Variants in NCKAP5 observed in about 807,000 individuals in gnomAD.
NCKAP5 encodes the protein nck-associated protein 5.
Under a neutral mutation model 167.0 loss-of-function variants are expected in NCKAP5, and 92 were observed. The observed-to-expected ratio is 0.55, with a 90% CI of 0.47 to 0.66. The LOEUF (loss-of-function observed/expected upper bound fraction) is 0.66, where lower values mean the gene tolerates loss of function less well. NCKAP5 is among the 30% of genes least tolerant of loss of function. NCKAP5 has a pLI of 0.00. For synonymous variants in NCKAP5, 891 were observed against 877.4 expected (o/e 1.02, Z -0.27); for missense variants, 2,378 against 2,315.0 (o/e 1.03, Z -0.56).
chr2:133,496,220 A>C (rs1179306001), intron 3 of NCKAP5, among the ~76,000 whole-genome samples: 2 of 152,208 alleles, frequency 1.3e-5, no homozygotes, highest in Non-Finnish European at 2.9e-5. Context: ...CTCACCTAAG[A>C]AACTGTTAAC....
chr2:133,621,494 C>A, the NCKAP5 span, among the ~76,000 whole-genome samples: 1 of 151,980 alleles, frequency 6.6e-6, no homozygotes, highest in Admixed American at 6.6e-5. Flanking sequence ...ACTATGAGCA[C>A]CTTTATTTCC....
intron 19 of NCKAP5, among the ~76,000 whole-genome samples, chr2:132,724,590 C>A (rs1690262507): frequency 6.6e-6 from 1 of 152,102 alleles, no homozygotes; most frequent in South Asian, 2.1e-4. Flanking sequence ...AACTCCCCTT[C>A]CCCTTCATCT....
At chr2:133,557,205 T>G (rs1575155181) in intron 2 of NCKAP5, among the ~76,000 whole-genome samples, 1 of 152,294 alleles carries the variant, frequency 6.6e-6, no homozygotes, top group Non-Finnish European at 1.5e-5. Context: ...ATTCACATCA[T>G]GAATGCGGTT....
intron 12 of NCKAP5, among the ~76,000 whole-genome samples, chr2:132,792,736 C>T (rs1466567744): frequency 3.3e-5 from 5 of 152,176 alleles, no homozygotes; most frequent in African/African-American, 1.2e-4. Flanking sequence ...TACCTTCTCC[C>T]AAGGTATTGA....
At chr2:132,969,891 C>A (rs1312917148) in intron 7 of NCKAP5, among the ~76,000 whole-genome samples, 4 of 152,210 alleles carry the variant, frequency 2.6e-5, no homozygotes, top group Non-Finnish European at 1.5e-5. Context: ...GTGGGGTTCT[C>A]TCTTGTTTCT....
intron 4 of NCKAP5, among the ~76,000 whole-genome samples, chr2:133,271,472 A>G (rs558353724): frequency 6.6e-6 from 1 of 152,270 alleles, no homozygotes; most frequent in South Asian, 2.1e-4. Context: ...GCAAAAAAAC[A>G]TGTTTAATCT....
chr2:132,913,377 T>C (rs1694605161), intron 8 of NCKAP5, among the ~76,000 whole-genome samples: 1 of 152,128 alleles, frequency 6.6e-6, no homozygotes, highest in Admixed American at 6.5e-5. Flanking sequence ...TACTATTTAT[T>C]AGCTGTGTGA....
At chr2:132,770,212 A>G (rs1223220403) in intron 16 of NCKAP5, among the ~76,000 whole-genome samples, 2 of 152,044 alleles carry the variant, frequency 1.3e-5, no homozygotes, top group Non-Finnish European at 2.9e-5. Context: ...TCTTGTTACA[A>G]TACAAATATG....
intron 6 of NCKAP5, among the ~76,000 whole-genome samples, chr2:133,009,529 T>C (rs982444579): frequency 6.6e-6 from 1 of 152,204 alleles, no homozygotes; most frequent in African/African-American, 2.4e-5. Context: ...TAACACCTTA[T>C]GTAATATGAA....
chr2:133,045,705 A>G (rs1045142502), intron 6 of NCKAP5, among the ~76,000 whole-genome samples: 1 of 152,224 alleles, frequency 6.6e-6, no homozygotes, highest in African/African-American at 2.4e-5. Flanking sequence ...AGAGATTAAC[A>G]ATAATTAATA....
At chr2:133,383,401 T>C (rs1003867175) in intron 3 of NCKAP5, among the ~76,000 whole-genome samples, 12 of 152,224 alleles carry the variant, frequency 7.9e-5, no homozygotes, top group Non-Finnish European at 1.6e-4. Context: ...GAACTCATCC[T>C]TTTTATGACT....
At chr2:132,866,642 G>T (rs937017021) in intron 10 of NCKAP5, among the ~76,000 whole-genome samples, 2 of 152,130 alleles carry the variant, frequency 1.3e-5, no homozygotes, top group South Asian at 4.1e-4. Flanking sequence ...CATGAAAAAT[G>T]TATTTCTGGC....
At chr2:133,328,786 G>A (rs1310320237) in intron 3 of NCKAP5, among the ~76,000 whole-genome samples, 1 of 152,176 alleles carries the variant, frequency 6.6e-6, no homozygotes, top group Non-Finnish European at 1.5e-5. Context: ...AGTGCCTCAT[G>A]TTTAATTTAA....
chr2:133,629,383 T>C, the NCKAP5 span, among the ~76,000 whole-genome samples: 32 of 152,138 alleles, frequency 2.1e-4, no homozygotes, highest in Admixed American at 3.3e-4. Context: ...GAAAAAAAGC[T>C]CAGTATCATG....
intron 3 of NCKAP5, among the ~76,000 whole-genome samples, chr2:133,503,206 C>T (rs890601146): frequency 9.2e-5 from 14 of 152,316 alleles, no homozygotes; most frequent in African/African-American, 3.1e-4. Context: ...TCTTCCTTTA[C>T]TCAGTCATTC....
intron 3 of NCKAP5, among the ~76,000 whole-genome samples, chr2:133,407,048 G>A (rs888886469): frequency 3.9e-5 from 6 of 152,162 alleles, no homozygotes; most frequent in Admixed American, 1.3e-4. Flanking sequence ...CCCTAAATGG[G>A]AACATCTGGT....
chr2:133,152,581 C>T (rs1482074944), intron 5 of NCKAP5, among the ~76,000 whole-genome samples: 1 of 152,070 alleles, frequency 6.6e-6, no homozygotes, highest in Non-Finnish European at 1.5e-5. Context: ...CGTGATACAT[C>T]CTGCAATGAA....
intron 19 of NCKAP5, among the ~76,000 whole-genome samples, chr2:132,682,121 T>A (rs776219374): frequency 5.3e-5 from 8 of 152,034 alleles, no homozygotes; most frequent in Non-Finnish European, 1.2e-4. Flanking sequence ...AAAGAAGAAT[T>A]TTTTTTTGGT....
chr2:132,868,996 T>G (rs542452278), intron 9 of NCKAP5, 22 bp from the exon 10 acceptor site: 1 of 1,516,026 alleles, frequency 6.6e-7, no homozygotes, highest in Admixed American at 2.1e-5. Flanking sequence ...AAAGAAAAAG[T>G]TGTCATTTAT....
Sources: allele counts gnomAD v4.1 joint callset (sites outside exome capture counted in the v4.1 genomes callset), GRCh38; gene constraint gnomAD v4.1.1; transcripts MANE v1.5; gene names NCBI Gene and HGNC (gene_info 2026-07-23, HGNC 2026-07-21).